Variants in LPAR1 observed in about 807,000 individuals in gnomAD.
The protein encoded by LPAR1 is lysophosphatidic acid receptor 1.
A neutral mutation model predicts 23.8 loss-of-function variants in LPAR1; 5 were observed. The ratio of observed to expected loss-of-function variants is 0.21; its 90% CI spans 0.11 to 0.44. LPAR1 has a LOEUF of 0.44. Ranked by LOEUF, LPAR1 falls within the 20% of genes least tolerant of loss-of-function variation. The pLI, the probability that LPAR1 is intolerant of heterozygous loss-of-function variation, is 0.99. For synonymous variants in LPAR1, 160 were observed against 164.7 expected, an observed-to-expected ratio of 0.97 and a Z score of 0.22; for missense variants, 311 against 482.8, an observed-to-expected ratio of 0.64 and a Z score of 3.33.
intron 2 of LPAR1, among the ~76,000 whole-genome samples, chr9:110,986,359 T>C (rs1027138425): frequency 5.3e-5 from 8 of 152,076 alleles, no homozygotes; most frequent in African/African-American, 1.2e-4. Context: ...CAACCACAGA[T>C]GAGTCTTGAA....
chr9:110,892,667 AAGAG>A (rs139921259), intron 5 of LPAR1, among the ~76,000 whole-genome samples: 1 of 144,882 alleles, frequency 6.9e-6, no homozygotes, highest in Admixed American at 6.8e-5. Context: ...GAAAGAAAGA[AAGAG>A]AGAGAGAGGG....
intron 2 of LPAR1, among the ~76,000 whole-genome samples, chr9:110,986,776 CAG>C (rs1272283629): frequency 1.2e-4 from 18 of 151,034 alleles, no homozygotes; most frequent in African/African-American, 4.4e-4. Flanking sequence ...TGTTCAACAG[CAG>C]AGAGTTCTCT....
At chr9:110,989,712 A>T (rs1464535437) in intron 2 of LPAR1, among the ~76,000 whole-genome samples, 2 of 152,202 alleles carry the variant, frequency 1.3e-5, no homozygotes, top group African/African-American at 4.8e-5. Flanking sequence ...CAAAAGCAAG[A>T]TGATAGATTT....
intron 5 of LPAR1, among the ~76,000 whole-genome samples, chr9:110,890,077 T>C (rs1490125501): frequency 6.6e-6 from 1 of 152,122 alleles, no homozygotes; most frequent in African/African-American, 2.4e-5. Context: ...GTCTTATAAA[T>C]ATGACCAACA....
chr9:110,972,207 G>A lies in LPAR1; in HGVS notation c.-90C>T, dbSNP rs1234751355. The A allele has an allele frequency of 9.6e-6, 11 of 1,142,066 alleles. No individual in the cohort carries two copies. Among genetic ancestry groups the A allele is most frequent in the Non-Finnish European group, 1.5e-5 (11 of 753,556 alleles). The allele number at this position is 1,142,066 out of a possible 1,614,324, so 70.7% of individuals were successfully genotyped here. A position where few individuals can be genotyped will look rare whatever the true frequency, so the allele number is the denominator to read the frequency against. ...GCTGATCAGATCGAAGTCATGCTAG[G>A]AGAAGCTGTGTACCTGGAAAACAAC... On this transcript the variant is annotated 5_prime_UTR_variant, in exon 4 of 6. Transcript: ENST00000683809.
intron 5 of LPAR1, among the ~76,000 whole-genome samples, chr9:110,925,552 TA>T (rs2093955127): frequency 6.6e-6 from 1 of 152,182 alleles, no homozygotes; most frequent in African/African-American, 2.4e-5. Flanking sequence ...AATCCCCATA[TA>T]GAACCTTCAG....
At chr9:110,917,039 A>G (rs73537574) in intron 5 of LPAR1, among the ~76,000 whole-genome samples, 4,976 of 152,048 alleles carry the variant, frequency 0.033, 271 homozygotes, top group African/African-American at 0.11. Context: ...GTATGAAAAA[A>G]ACTTTAAAAT....
At chr9:111,034,890 CTTCA>C (rs374846595) in intron 2 of LPAR1, among the ~76,000 whole-genome samples, 52 of 152,182 alleles carry the variant, frequency 3.4e-4, no homozygotes, top group African/African-American at 1.1e-3. Flanking sequence ...CTCACTTTGT[CTTCA>C]TTCCCCCACC....
At chr9:111,016,644 G>T (rs893246375) in intron 2 of LPAR1, among the ~76,000 whole-genome samples, 2 of 152,138 alleles carry the variant, frequency 1.3e-5, no homozygotes, top group African/African-American at 4.8e-5. Flanking sequence ...ACAAAGAGAG[G>T]ATGCAGTATT....
chr9:111,024,547 TATATATACACACAC>T (rs928660570), intron 2 of LPAR1, among the ~76,000 whole-genome samples: 11 of 35,056 alleles, frequency 3.1e-4, no homozygotes, highest in Middle Eastern at 0.019. Context: ...TGTGTGTGTA[TATATATACACACAC>T]ATATATATAC....
rs893218076 is a variant in LPAR1, at chr9:110,956,518, A to T, written c.46-14350T>A. Among the ~76,000 whole-genome samples, 3 of 145,452 alleles carry T rather than the reference A, an allele frequency of 2.1e-5. No homozygotes were observed. The East Asian group carries it at 6.4e-4, about 31-fold the overall frequency. ...ATACAAAGGATCAACCAAAGAAGTT[A>T]GTGTTTTGAAAAGATAAACAAAATT... On this transcript the variant is annotated intron_variant, in intron 4 of 5. Transcript: ENST00000683809.
chr9:111,033,514 T>C (rs1028793659), intron 2 of LPAR1, among the ~76,000 whole-genome samples: 4 of 152,178 alleles, frequency 2.6e-5, no homozygotes, highest in African/African-American at 4.8e-5. Context: ...ATTCACAAGG[T>C]AATTGAAAGA....
At position 110,926,896 on chromosome 9, in the gene LPAR1, C is replaced by T. The variant is rs189225368; in HGVS notation, c.793+14525G>A. Among the ~76,000 whole-genome samples, 14 of 152,228 alleles carry T rather than the reference C, an allele frequency of 9.2e-5. No individual in the cohort carries two copies. The East Asian group carries it at 2.7e-3, about 29-fold the overall frequency. On this transcript the variant is annotated intron_variant, in intron 5 of 5. Transcript: ENST00000683809. ...AATGCCATGTAATTTAAACCAAAGC[C>T]GGCAACTCCTCACACGGTCATTGTT...
chr9:110,980,988 A>C (rs889692800), intron 2 of LPAR1, among the ~76,000 whole-genome samples: 1 of 152,108 alleles, frequency 6.6e-6, no homozygotes, highest in Non-Finnish European at 1.5e-5. Context: ...TTCTTCTGTA[A>C]ATAACTCAGC....
chr9:111,020,250 A>C (rs1201697522), intron 2 of LPAR1, among the ~76,000 whole-genome samples: 1 of 152,250 alleles, frequency 6.6e-6, no homozygotes, highest in Non-Finnish European at 1.5e-5. Flanking sequence ...TAGAAAGAAT[A>C]CATTTAGTCA....
At chr9:110,911,258 T>C (rs1184901875) in intron 5 of LPAR1, among the ~76,000 whole-genome samples, 2 of 152,130 alleles carry the variant, frequency 1.3e-5, no homozygotes, top group African/African-American at 4.8e-5. Context: ...AAAAAGATCA[T>C]GACCTGTGCA....
chr9:110,977,937 G>A (rs1216945085), intron 2 of LPAR1, among the ~76,000 whole-genome samples: 2 of 150,324 alleles, frequency 1.3e-5, no homozygotes, highest in East Asian at 2.0e-4. Flanking sequence ...AGAAAACAAG[G>A]CAATACCCAA....
chr9:110,960,318 A>G (rs1302201233), intron 4 of LPAR1, among the ~76,000 whole-genome samples: 2 of 152,216 alleles, frequency 1.3e-5, no homozygotes, highest in Non-Finnish European at 2.9e-5. Flanking sequence ...CCCTGTAAAC[A>G]TGTACAAATA....
chr9:110,929,665 T>A (rs1001450609), intron 5 of LPAR1, among the ~76,000 whole-genome samples: 3 of 151,660 alleles, frequency 2.0e-5, no homozygotes, highest in Admixed American at 2.0e-4. Context: ...TAGAATTGAT[T>A]GCTATCTAAA....
Sources: gnomAD v4.1 joint callset for allele counts (sites outside exome capture counted in the v4.1 genomes callset) on GRCh38, gnomAD v4.1.1 for gene constraint, MANE v1.5 for transcripts, NCBI Gene and HGNC (gene_info 2026-07-23, HGNC 2026-07-21) for gene names.